PTPRQ: variants seen among roughly 807,000 people sequenced by gnomAD.
The protein encoded by PTPRQ is protein tyrosine phosphatase receptor type Q.
A neutral mutation model predicts 246.0 loss-of-function variants in PTPRQ; 199 were observed. The ratio of observed to expected loss-of-function variants is 0.81; its 90% confidence interval spans 0.72 to 0.91. The LOEUF is 0.91. Among genes scored for constraint, PTPRQ ranks in the 40% least tolerant of loss-of-function variants. The pLI is 0.00. For missense variants in PTPRQ, 2,624 were observed against 2,528.4 expected, an observed-to-expected ratio of 1.04 and a Z score of -0.81; for synonymous variants, 869 against 853.2, an observed-to-expected ratio of 1.02 and a Z score of -0.32.
At chr12:80,546,266 C>T (rs1896302060) in intron 23 of PTPRQ, among the ~76,000 whole-genome samples, 1 of 151,656 alleles carries the variant, frequency 6.6e-6, no homozygotes, top group Non-Finnish European at 1.5e-5. Context: ...TCCCACTGCA[C>T]TCCAACCTGG....
intron 17 of PTPRQ, among the ~76,000 whole-genome samples, chr12:80,513,005 C>T (rs1328471100): frequency 6.6e-6 from 1 of 152,056 alleles, no homozygotes; most frequent in African/African-American, 2.4e-5. Flanking sequence ...CTGTGGGGCT[C>T]CGACCCCATG....
At position 80,484,557 on chromosome 12, in the gene PTPRQ, A is replaced by C; in HGVS notation, c.1311A>C (p.Pro437=). Residue 437 remains proline (P), a synonymous_variant, in exon 9 of 45, where the codon CCA becomes CCC. Transcript: ENST00000644991. The part of the protein sequence containing the change: ...INQYRVKVLV[P]ETGIILENTL... ...AATACCGAGTGAAAGTGCTAGTTCCAGAGACAGGAATAATTTTGGAAAATA... is the reference window on the plus strand; with the variant it reads ...AATACCGAGTGAAAGTGCTAGTTCCCGAGACAGGAATAATTTTGGAAAATA... 1 of 1,550,582 alleles carries C rather than the reference A, an allele frequency of 6.4e-7. No homozygotes were observed. The highest frequency in any genetic ancestry group is 8.7e-7 in the Non-Finnish European group (1 of 1,146,676).
At chr12:80,449,879 G>C (rs1407393260) in intron 3 of PTPRQ, among the ~76,000 whole-genome samples, 1 of 152,034 alleles carries the variant, frequency 6.6e-6, no homozygotes, top group Non-Finnish European at 1.5e-5. Context: ...GGTTCCATAT[G>C]AACTTTAAAG....
intron 17 of PTPRQ, among the ~76,000 whole-genome samples, chr12:80,513,892 C>A (rs574441865): frequency 1.3e-5 from 2 of 152,308 alleles, no homozygotes; most frequent in Admixed American, 1.3e-4. Context: ...CTGCACCAAT[C>A]TACAGTGTGA....
rs1034499744 is a variant in PTPRQ, at chr12:80,480,116, C to A, written c.1187-4317C>A. Among the ~76,000 whole-genome samples, 23 of 152,184 alleles carry A rather than the reference C, an allele frequency of 1.5e-4. No homozygotes were observed. In the South Asian group the frequency reaches 2.1e-3, roughly 14 times the overall value. Reference sequence around the variant, plus strand: ...CACCTATTCCAAAATTGACTACATACTTGGAAGTAAAGCTCTCCTCAGCAA... The same window carrying A: ...CACCTATTCCAAAATTGACTACATAATTGGAAGTAAAGCTCTCCTCAGCAA... On this transcript the variant is annotated intron_variant, in intron 8 of 44. Transcript: ENST00000644991.
chr12:80,446,215 T>C (rs946873435), intron 3 of PTPRQ, among the ~76,000 whole-genome samples: 4 of 146,532 alleles, frequency 2.7e-5, no homozygotes, highest in African/African-American at 1.0e-4. Flanking sequence ...TAATTGCATA[T>C]GGGAGCTCAA....
Position 80,460,684 on chromosome 12 carries a change from C to A in PTPRQ, c.692C>A (p.Ala231Asp), listed in dbSNP as rs1330271686. Residue 231 changes from alanine (A) to aspartate (D), a missense_variant, in exon 6 of 45, where the codon GCC becomes GAC. Transcript: ENST00000644991. ...ENSESFLWST[A>D]SPSPTLGRVT... ...AGTGAATCTTTTTTATGGAGTACAGCCAGCCCTTCTCCAACCCTTGGTAGA... is the reference window on the plus strand; with the variant it reads ...AGTGAATCTTTTTTATGGAGTACAGACAGCCCTTCTCCAACCCTTGGTAGA... The A allele has an allele frequency of 2.5e-6, 1 of 398,884 alleles. No individual in the cohort carries two copies. The allele number at this position is 398,884 out of a possible 1,614,324, so 24.7% of individuals were successfully genotyped here.
intron 37 of PTPRQ, among the ~76,000 whole-genome samples, chr12:80,651,032 A>G (rs1900241567): frequency 2.0e-5 from 3 of 152,096 alleles, no homozygotes; most frequent in African/African-American, 7.2e-5. Context: ...TTAAATATTT[A>G]TAAGTTCCTA....
chr12:80,659,706 T>A (rs1054621314), intron 39 of PTPRQ, among the ~76,000 whole-genome samples: 3 of 152,052 alleles, frequency 2.0e-5, no homozygotes, highest in African/African-American at 7.2e-5. Flanking sequence ...TAACGTGGTA[T>A]GAGCAATAAA....
chr12:80,620,973 T>C (rs187713120), intron 32 of PTPRQ, among the ~76,000 whole-genome samples: 5 of 151,934 alleles, frequency 3.3e-5, no homozygotes, highest in Admixed American at 2.0e-4. Context: ...CCTTTTGAAT[T>C]GATTATGTTA....
At chr12:80,631,491 GC>G (rs1265870642) in intron 33 of PTPRQ, among the ~76,000 whole-genome samples, 1 of 151,998 alleles carries the variant, frequency 6.6e-6, no homozygotes, top group African/African-American at 2.4e-5. Flanking sequence ...GCCAGTAGGA[GC>G]CCCTTCAGGA....
At chr12:80,493,618 G>A (rs770737117) in intron 10 of PTPRQ, among the ~76,000 whole-genome samples, 163 bp downstream of exon 10, 1 of 151,858 alleles carries the variant, frequency 6.6e-6, no homozygotes, top group Non-Finnish European at 1.5e-5. Context: ...AAATGGAAAT[G>A]CCACACAGGC....
intron 33 of PTPRQ, among the ~76,000 whole-genome samples, chr12:80,624,318 A>C (rs898806309): frequency 4.6e-5 from 7 of 152,164 alleles, no homozygotes; most frequent in Non-Finnish European, 8.8e-5. Context: ...CAAATTACTC[A>C]GAGTTCAGTG....
rs750110116 is a variant in PTPRQ at position 80,444,406 on chromosome 12, C to T, written c.54+7C>T. ...TGGGACTTCAGAGACACAGGTATTT[C>T]GTATACACTCTTTAAAAACAAGGGC... On this transcript the variant is annotated splice_region_variant and intron_variant, in intron 1 of 44. Coordinates refer to ENST00000644991, the MANE Select transcript of PTPRQ (RefSeq NM_001145026.2). 5.0e-5 allele frequency: 71 copies of T among 1,415,200 alleles called. No individual in the cohort carries two copies. The highest frequency in any genetic ancestry group is 2.2e-4 in the African/African-American group (15 of 68,428). 87.7% of individuals were successfully genotyped at this position (1,415,200 alleles called of 1,614,324 possible). A position where few individuals can be genotyped will look rare whatever the true frequency, so the allele number is the denominator to read the frequency against.
At chr12:80,644,037 T>G (rs1899983671) in intron 35 of PTPRQ, among the ~76,000 whole-genome samples, 2 of 152,320 alleles carry the variant, frequency 1.3e-5, no homozygotes, top group South Asian at 4.1e-4. Context: ...CAGCTATAGG[T>G]TATCATCTGT....
chr12:80,445,439 G>GA lies in PTPRQ; in HGVS notation c.164-48dup. 3 of 1,152,230 alleles carry GA rather than the reference G, an allele frequency of 2.6e-6. No individual in the cohort carries two copies. The South Asian group carries it at 4.6e-5, about 18-fold the overall frequency. The allele number at this position is 1,152,230 out of a possible 1,614,324, so 71.4% of individuals were successfully genotyped here. A position where few individuals can be genotyped will look rare whatever the true frequency, so the allele number is the denominator to read the frequency against. On this transcript the variant is annotated intron_variant, in intron 2 of 44. Coordinates refer to ENST00000644991, the MANE Select transcript of PTPRQ (RefSeq NM_001145026.2). ...AAATACTGTTATTATGTATTTTTGTGAAAATGCAATAATTATTTGACCTTT... is the reference window on the plus strand; with the variant it reads ...AAATACTGTTATTATGTATTTTTGTGAAAAATGCAATAATTATTTGACCTTT...
intron 34 of PTPRQ, among the ~76,000 whole-genome samples, chr12:80,632,528 T>G (rs1899478901): frequency 1.3e-5 from 2 of 152,224 alleles, no homozygotes; most frequent in East Asian, 3.9e-4. Flanking sequence ...CAGAAAACAT[T>G]TAATGTAAAG....
chr12:80,667,411 T>C (rs1013705341), intron 39 of PTPRQ, among the ~76,000 whole-genome samples: 2 of 152,054 alleles, frequency 1.3e-5, no homozygotes, highest in Non-Finnish European at 2.9e-5. Context: ...TTTTTCTGAA[T>C]AACCTATTTC....
intron 23 of PTPRQ, among the ~76,000 whole-genome samples, chr12:80,543,894 G>A (rs1896227856): frequency 1.3e-5 from 2 of 152,004 alleles, no homozygotes; most frequent in Admixed American, 1.3e-4. Context: ...ATCTATCCCT[G>A]GTTTAATCTT....
Sources: allele counts gnomAD v4.1 joint callset (sites outside exome capture counted in the v4.1 genomes callset), GRCh38; gene constraint gnomAD v4.1.1; transcripts MANE v1.5; gene names NCBI Gene and HGNC (gene_info 2026-07-23, HGNC 2026-07-21).